The following HNF4G variants were observed in gnomAD, a reference collection of about 807,000 sequenced individuals.
HNF4G encodes the protein hepatocyte nuclear factor 4-gamma.
HNF4G carries 21 observed loss-of-function variants against 50.9 expected under a neutral mutation model. That is an observed-to-expected ratio of 0.41 (90% CI 0.29 to 0.59). The LOEUF (loss-of-function observed/expected upper bound fraction) is 0.59. HNF4G is among the 20% of genes least tolerant of loss of function. HNF4G has a pLI of 0.26. For synonymous variants in HNF4G, 198 were observed against 185.6 expected (o/e 1.07, Z -0.54); for missense variants, 527 against 559.4 (o/e 0.94, Z 0.58).
intron 1 of HNF4G, among the ~76,000 whole-genome samples, chr8:75,462,657 A>G (rs1393662010): frequency 1.3e-5 from 2 of 152,232 alleles, no homozygotes; most frequent in Non-Finnish European, 2.9e-5. Flanking sequence ...TAGTAGAGAA[A>G]AAATACAATC....
chr8:75,507,627 T>C (rs892001568), intron 2 of HNF4G, among the ~76,000 whole-genome samples: 11 of 152,224 alleles, frequency 7.2e-5, no homozygotes, highest in African/African-American at 1.2e-4. Context: ...TCAAAGCTTA[T>C]GTAACTTTTA....
chr8:75,497,842 T>C (rs1339006080), intron 2 of HNF4G, among the ~76,000 whole-genome samples: 1 of 152,204 alleles, frequency 6.6e-6, no homozygotes, highest in Non-Finnish European at 1.5e-5. Context: ...TTGCATTTAA[T>C]ATTATCCTGT....
In HNF4G at chr8:75,448,785, G is replaced by A. The variant is rs140206428; in HGVS notation, c.-144+40623G>A. Among the ~76,000 whole-genome samples, 65 of 152,044 alleles carry A rather than the reference G, an allele frequency of 4.3e-4. 1 individual carries two copies. Among genetic ancestry groups the A allele is most frequent in the African/African-American group, 1.4e-3 (60 of 41,530 alleles). ...AAAAGCAAAGTAAGAAATTATAAAA[G>A]GAAGTAATGACAGATTTGATGAAAG... On this transcript the variant is annotated intron_variant, in intron 1 of 10. Coordinates refer to the HNF4G transcript ENST00000354370.
At chr8:75,434,342 T>C (rs1411429949) in intron 1 of HNF4G, among the ~76,000 whole-genome samples, 1 of 152,020 alleles carries the variant, frequency 6.6e-6, no homozygotes, top group East Asian at 1.9e-4. Context: ...TAATGGAAAT[T>C]AGAAATTGTT....
chr8:75,515,041 A>G (rs1805853172), intron 2 of HNF4G, among the ~76,000 whole-genome samples: 1 of 152,162 alleles, frequency 6.6e-6, no homozygotes, highest in Admixed American at 6.5e-5. Context: ...CTTAAATATT[A>G]TATTTGTCAA....
intron 2 of HNF4G, among the ~76,000 whole-genome samples, chr8:75,499,947 C>T (rs944219484): frequency 2.0e-5 from 3 of 152,012 alleles, no homozygotes; most frequent in Admixed American, 6.6e-5. Context: ...TAAAAGAAAA[C>T]ATATTCATGA....
At chr8:75,555,085 G>A (rs956105797) in intron 5 of HNF4G, among the ~76,000 whole-genome samples, 1 of 152,176 alleles carries the variant, frequency 6.6e-6, no homozygotes, top group South Asian at 2.1e-4. Context: ...CATGTTTGAC[G>A]AGTTTGGATT....
At chr8:75,472,232 T>TC (rs1232037261) in intron 1 of HNF4G, among the ~76,000 whole-genome samples, 4 of 152,194 alleles carry the variant, frequency 2.6e-5, no homozygotes, top group African/African-American at 4.8e-5. Flanking sequence ...TTGGAGAATC[T>TC]CAAGATTTAA....
chr8:75,416,517 A>G (rs1265965592), intron 1 of HNF4G, among the ~76,000 whole-genome samples: 1 of 152,190 alleles, frequency 6.6e-6, no homozygotes, highest in Non-Finnish European at 1.5e-5. Flanking sequence ...ACTGAAGTCT[A>G]CTTGCCAGTG....
At chr8:75,475,630 C>CT (rs1444271692) in intron 1 of HNF4G, among the ~76,000 whole-genome samples, 1 of 152,114 alleles carries the variant, frequency 6.6e-6, no homozygotes, top group East Asian at 1.9e-4. Flanking sequence ...TTTTATTGAG[C>CT]TTTTTTATTT....
intron 1 of HNF4G, among the ~76,000 whole-genome samples, chr8:75,462,269 A>G (rs1274064808): frequency 6.6e-6 from 1 of 152,206 alleles, no homozygotes; most frequent in Non-Finnish European, 1.5e-5. Flanking sequence ...CCAAATTGTC[A>G]GTACTATTAA....
chr8:75,535,081 G>T (rs1471774857), upstream of HNF4G, among the ~76,000 whole-genome samples: 1 of 151,624 alleles, frequency 6.6e-6, no homozygotes, highest in South Asian at 2.1e-4. Context: ...AATAATTTTT[G>T]TTTATCTAAA....
intron 2 of HNF4G, among the ~76,000 whole-genome samples, chr8:75,547,384 A>G (rs769909909): frequency 4.6e-5 from 7 of 152,248 alleles, no homozygotes; most frequent in Non-Finnish European, 8.8e-5. Flanking sequence ...GTTTTATTTT[A>G]CTATAAAGAC....
At chr8:75,519,481 A>C (rs1015178911) in intron 2 of HNF4G, among the ~76,000 whole-genome samples, 1 of 152,194 alleles carries the variant, frequency 6.6e-6, no homozygotes, top group South Asian at 2.1e-4. Context: ...ATAAAGACAT[A>C]CCCGAGACTG....
At chr8:75,543,016 G>A (rs1806672897) in intron 1 of HNF4G, among the ~76,000 whole-genome samples, 1 of 152,230 alleles carries the variant, frequency 6.6e-6, no homozygotes, top group African/African-American at 2.4e-5. Flanking sequence ...AGAACAGCCT[G>A]GCCAACATGG....
intron 1 of HNF4G, among the ~76,000 whole-genome samples, chr8:75,466,135 T>A (rs7815773): frequency 0.038 from 5,808 of 152,240 alleles, 133 homozygotes; most frequent in South Asian, 0.055. Context: ...AATGCAAATA[T>A]GTTTCTGAGA....
At chr8:75,509,552 G>C (rs895993753) in intron 2 of HNF4G, among the ~76,000 whole-genome samples, 8 of 152,230 alleles carry the variant, frequency 5.3e-5, no homozygotes, top group Admixed American at 2.6e-4. Context: ...TTTAGATAAG[G>C]CTCATCAATG....
chr8:75,425,580 A>G (rs1810873892), intron 1 of HNF4G, among the ~76,000 whole-genome samples: 1 of 147,914 alleles, frequency 6.8e-6, no homozygotes, highest in South Asian at 2.1e-4. Flanking sequence ...TGTTATATAT[A>G]TAATATTTAT....
chr8:75,415,578 A>G (rs1810614754), intron 1 of HNF4G, among the ~76,000 whole-genome samples: 2 of 152,228 alleles, frequency 1.3e-5, no homozygotes, highest in Non-Finnish European at 2.9e-5. Context: ...AACAATAGTT[A>G]TACTAAGAAT....
Sources: gnomAD v4.1 joint callset for allele counts (sites outside exome capture counted in the v4.1 genomes callset) on GRCh38, gnomAD v4.1.1 for gene constraint, MANE v1.5 for transcripts, NCBI Gene and HGNC (gene_info 2026-07-23, HGNC 2026-07-21) for gene names.